KDM7A: variants seen among roughly 807,000 people sequenced by gnomAD.
The protein encoded by KDM7A is lysine demethylase 7A.
In KDM7A, 28 loss-of-function variants were observed where a neutral mutation model predicts 114.8. The ratio of observed to expected loss-of-function variants is 0.24; its 90% CI spans 0.18 to 0.33. The LOEUF is 0.33. Ranked by LOEUF, KDM7A falls within the 10% of genes least tolerant of loss-of-function variation. The pLI, the probability that KDM7A is intolerant of heterozygous loss-of-function variation, is 1.00. For missense variants in KDM7A, 942 were observed against 1,142.5 expected (o/e 0.82, Z 2.53); for synonymous variants, 423 against 397.8 (o/e 1.06, Z -0.75).
At chr7:140,138,190 C>G (rs1167874741) in intron 2 of KDM7A, among the ~76,000 whole-genome samples, 2 of 151,988 alleles carry the variant, frequency 1.3e-5, no homozygotes, top group Non-Finnish European at 2.9e-5. Context: ...TGCCTGTGGT[C>G]CCAGCTACTC....
intron 18 of KDM7A, among the ~76,000 whole-genome samples, chr7:140,092,601 A>AG (rs1183794543): frequency 6.6e-6 from 1 of 151,976 alleles, no homozygotes; most frequent in Non-Finnish European, 1.5e-5. Context: ...GTAAACTTTC[A>AG]GGGGGCAAAA....
chr7:140,106,788 A>G (rs1208888797), intron 11 of KDM7A, among the ~76,000 whole-genome samples: 8 of 152,194 alleles, frequency 5.3e-5, no homozygotes. Context: ...AGAGTTCTGT[A>G]GATGTCTATC....
At position 140,089,781 on chromosome 7, in the gene KDM7A, TTAGGA is replaced by T. The variant is rs1375939020; in HGVS notation, c.*1308_*1312del. 6.6e-6 allele frequency: 1 copy of T among 152,168 alleles called. No individual in the cohort carries two copies. 9.4% of individuals were successfully genotyped at this position (152,168 alleles called of 1,614,324 possible). A position where few individuals can be genotyped will look rare whatever the true frequency, so the allele number is the denominator to read the frequency against. ...TTAACCTCAATATGTACTGGTCAGG[TTAGGA>T]TAGATGGAAGAAACTGCCAAAAGCA... On this transcript the variant is annotated 3_prime_UTR_variant, in exon 20 of 20. Transcript: ENST00000397560.
At chr7:140,100,660 T>TTATATATATATATATACACATATATATA (rs1818185180) in intron 12 of KDM7A, among the ~76,000 whole-genome samples, 10 of 111,280 alleles carry the variant, frequency 9.0e-5, no homozygotes, top group Admixed American at 4.5e-4. Context: ...TTTTAAAAAG[T>TTATATATATATATATACACATATATATA]TATATATATA....
chr7:140,123,861 G>A (rs1358307555), intron 7 of KDM7A, among the ~76,000 whole-genome samples: 2 of 152,088 alleles, frequency 1.3e-5, no homozygotes. Context: ...CACGAGGTCA[G>A]GAGATTGAGA....
At position 140,089,788 on chromosome 7, in the gene KDM7A, A is replaced by T. The variant is rs1817990489; in HGVS notation, c.*1306T>A. The T allele has an allele frequency of 6.6e-6, 1 of 152,258 alleles. No homozygotes were observed. Among genetic ancestry groups the T allele is most frequent in the Non-Finnish European group, 1.5e-5 (1 of 68,032 alleles). The allele number at this position is 152,258 out of a possible 1,614,324, so 9.4% of individuals were successfully genotyped here. ...CAATATGTACTGGTCAGGTTAGGAT[A>T]GATGGAAGAAACTGCCAAAAGCACC... On this transcript the variant is annotated 3_prime_UTR_variant, in exon 20 of 20. Coordinates refer to ENST00000397560, the MANE Select transcript of KDM7A (RefSeq NM_030647.2).
chr7:140,117,098 C>G (rs1383901996), intron 9 of KDM7A, among the ~76,000 whole-genome samples: 4 of 152,206 alleles, frequency 2.6e-5, no homozygotes, highest in Non-Finnish European at 5.9e-5. Context: ...CTATAATGAT[C>G]AATTGGCTTT....
rs1031570388 is a variant in KDM7A at position 140,085,991 on chromosome 7, T to C, written c.*5103A>G. 1 of 152,240 alleles carries C rather than the reference T, an allele frequency of 6.6e-6. No individual in the cohort carries two copies. The highest frequency in any genetic ancestry group is 2.4e-5 in the African/African-American group (1 of 41,476). The allele number at this position is 152,240 out of a possible 1,614,324, so 9.4% of individuals were successfully genotyped here. On this transcript the variant is annotated 3_prime_UTR_variant, in exon 20 of 20. Transcript: ENST00000397560. ...AAAGTATTATATATTCCAGCACTTA[T>C]GATCATTGTTTTGGTGAAAAATCTT...
At chr7:140,131,810 A>AT (rs1473684335) in intron 3 of KDM7A, among the ~76,000 whole-genome samples, 1 of 152,174 alleles carries the variant, frequency 6.6e-6, no homozygotes, top group Non-Finnish European at 1.5e-5. Flanking sequence ...ATATAGGTAC[A>AT]TTTTTTGCAA....
At chr7:140,129,681 T>G in intron 3 of KDM7A, 28 bp from the exon 4 acceptor site, 2 of 1,470,410 alleles carry the variant, frequency 1.4e-6, no homozygotes, top group Non-Finnish European at 1.9e-6. Flanking sequence ...AATAAAAATG[T>G]CATTTTTATT....
Position 140,127,517 on chromosome 7 carries a change from T to G in KDM7A, c.626A>C (p.Asn209Thr). 6.2e-7 allele frequency: 1 copy of G among 1,613,758 alleles called. No individual in the cohort carries two copies. The highest frequency in any genetic ancestry group is 8.5e-7 in the Non-Finnish European group (1 of 1,179,646). The change falls in exon 5 of 20, where the codon AAT becomes ACT. Residue 209 changes from asparagine (N) to threonine (T), a missense_variant. Physicochemically the swap from Asn to Thr is moderately conservative, Grantham distance 65 (BLOSUM62 0). Coordinates refer to ENST00000397560, the MANE Select transcript of KDM7A (RefSeq NM_030647.2). ...AGGATTCATGAAGTATTTAACATAA[T>G]TGTGAAGTGTCATTTTGCTGTCTGC... ...RQADSKMTLH[N>T]YVKYFMNPNR...
intron 1 of KDM7A, among the ~76,000 whole-genome samples, chr7:140,155,364 C>T (rs1794447458): frequency 6.6e-6 from 1 of 152,230 alleles, no homozygotes; most frequent in Non-Finnish European, 1.5e-5. Context: ...CCAGGCATAG[C>T]TTCTATCCTA....
chr7:140,122,661 G>A (rs547338198), intron 7 of KDM7A, among the ~76,000 whole-genome samples: 2 of 152,308 alleles, frequency 1.3e-5, no homozygotes, highest in African/African-American at 2.4e-5. Flanking sequence ...CCACTGGTCT[G>A]GACAGTCTAT....
At chr7:140,137,012 A>C (rs1186153590) in intron 2 of KDM7A, among the ~76,000 whole-genome samples, 1 of 152,168 alleles carries the variant, frequency 6.6e-6, no homozygotes, top group Non-Finnish European at 1.5e-5. Flanking sequence ...AATTAAAAAA[A>C]AAAAAAGAGA....
intron 7 of KDM7A, among the ~76,000 whole-genome samples, chr7:140,121,261 C>T (rs1314009822): frequency 6.6e-6 from 1 of 152,158 alleles, no homozygotes; most frequent in Non-Finnish European, 1.5e-5. Context: ...TAAGACATGA[C>T]GTCTAACTTT....
At position 140,096,573 on chromosome 7, in the gene KDM7A, C is replaced by G; in HGVS notation, c.2356G>C (p.Asp786His). ...TTCTTACCACATTCCACTGGTTTAT[C>G]ATAGCGATACAACTGCCTAACCTCA... is the stretch of plus-strand genomic sequence containing the variant. ...NHEVRQLYRY[D>H]KPVECGYHVK... The change falls in exon 17 of 20, where the codon GAT (aspartate) becomes CAT (histidine). Residue 786 changes from aspartate to histidine, a missense_variant. Asp to His is a moderately conservative substitution (Grantham distance 81). Transcript: ENST00000397560. 1 of 1,614,050 alleles carries G rather than the reference C, an allele frequency of 6.2e-7. No individual in the cohort carries two copies. The highest frequency in any genetic ancestry group is 8.5e-7 in the Non-Finnish European group (1 of 1,179,852).
At chr7:140,093,987 AAAAG>A (rs1818063503) in intron 18 of KDM7A, 65 bp downstream of exon 18, 1 of 989,150 alleles carries the variant, frequency 1.0e-6, no homozygotes, top group Admixed American at 1.7e-5. Context: ...ACAGTTTTAA[AAAAG>A]AAAGCAAAAA....
intron 1 of KDM7A, among the ~76,000 whole-genome samples, chr7:140,174,411 C>G (rs960986603): frequency 6.6e-6 from 1 of 152,164 alleles, no homozygotes; most frequent in African/African-American, 2.4e-5. Flanking sequence ...TGCTCTCCCT[C>G]CTTCCCGTAA....
intron 3 of KDM7A, among the ~76,000 whole-genome samples, chr7:140,130,937 T>G (rs1028089634): frequency 7.1e-6 from 1 of 141,508 alleles, no homozygotes; most frequent in African/African-American, 2.6e-5. Context: ...CACTGCAAGC[T>G]CCGCCTCCTG....
Sources: gnomAD v4.1 joint callset for allele counts (sites outside exome capture counted in the v4.1 genomes callset) on GRCh38, gnomAD v4.1.1 for gene constraint, MANE v1.5 for transcripts, NCBI Gene and HGNC (gene_info 2026-07-23, HGNC 2026-07-21) for gene names.